Variants in NID1 observed in about 807,000 individuals in gnomAD.
NID1 encodes the protein nidogen 1.
Under a neutral mutation model 130.6 loss-of-function variants are expected in NID1, and 76 were observed. That is an observed-to-expected ratio of 0.58 (90% CI 0.48 to 0.70). The LOEUF (loss-of-function observed/expected upper bound fraction) is 0.70, where lower values mean the gene tolerates loss of function less well. Ranked by LOEUF, NID1 falls within the 30% of genes least tolerant of loss-of-function variation. NID1 has a pLI of 0.00. For missense variants in NID1, 1,517 were observed against 1,664.8 expected, an observed-to-expected ratio of 0.91 and a Z score of 1.54; for synonymous variants, 665 against 675.1, an observed-to-expected ratio of 0.98 and a Z score of 0.23.
At chr1:236,027,138 A>G (rs555565826) in intron 7 of NID1, among the ~76,000 whole-genome samples, 36 of 152,304 alleles carry the variant, frequency 2.4e-4, no homozygotes, top group African/African-American at 7.7e-4. Context: ...GGTTTGGAAA[A>G]ATTACTAAAG....
intron 12 of NID1, among the ~76,000 whole-genome samples, chr1:236,003,701 CT>C (rs2102809911): frequency 6.6e-6 from 1 of 152,264 alleles, no homozygotes; most frequent in South Asian, 2.1e-4. Flanking sequence ...GAAACCCCGT[CT>C]CTACTAAAAA....
chr1:235,989,245 T>G (rs1286286386), intron 14 of NID1, among the ~76,000 whole-genome samples: 1 of 151,996 alleles, frequency 6.6e-6, no homozygotes, highest in East Asian at 1.9e-4. Context: ...TTAGTAGAGA[T>G]GGGGTTTCTC....
chr1:236,002,309 C>A (rs960157105), intron 12 of NID1, among the ~76,000 whole-genome samples: 2 of 152,174 alleles, frequency 1.3e-5, no homozygotes, highest in South Asian at 4.1e-4. Flanking sequence ...TTGAGACCAG[C>A]CTGGCTAACA....
At position 236,065,054 on chromosome 1, in the gene NID1, C is replaced by G. The variant is rs1181747878; in HGVS notation, c.26G>C (p.Arg9Pro). Residue 9 changes from arginine to proline, a missense_variant, in exon 1 of 20, where the codon CGG becomes CCG. Arg to Pro is a moderately radical substitution (Grantham distance 103, BLOSUM62 -2). Transcript: ENST00000264187. This position sits in a 1 kb window ranked among gnomAD's most constrained non-coding sequence, Gnocchi z 4.1. ...CAGCAGCGCCCGCGTCCACGCAGCC[C>G]GGATCCGGCTGCTCGAGGCCAACAT... is the stretch of plus-strand genomic sequence containing the variant. Reference protein sequence around the residue: MLASSSRIRAAWTRALLLP... With the variant: MLASSSRIPAAWTRALLLP... The G allele has an allele frequency of 1.9e-6, 3 of 1,552,688 alleles. No homozygotes were observed. The highest frequency in any genetic ancestry group is 3.4e-4 in the Middle Eastern group (2 of 5,926).
intron 14 of NID1, among the ~76,000 whole-genome samples, chr1:235,990,067 G>A (rs1004033396): frequency 6.6e-6 from 1 of 152,270 alleles, no homozygotes; most frequent in Non-Finnish European, 1.5e-5. Flanking sequence ...TTCTTTGCAA[G>A]AGGCTTTTGA....
intron 3 of NID1, among the ~76,000 whole-genome samples, chr1:236,042,961 G>T (rs1041474291): frequency 5.3e-5 from 8 of 152,186 alleles, no homozygotes; most frequent in African/African-American, 1.7e-4. Flanking sequence ...AATCACCAAG[G>T]ATCAGTGATT....
chr1:236,045,767 C>T (rs1659584097), intron 2 of NID1, 84 bp from the exon 3 acceptor site: 10 of 1,086,388 alleles, frequency 9.2e-6, no homozygotes, highest in South Asian at 5.9e-5. Flanking sequence ...ATCTATAAAG[C>T]GTACAGTGCT....
Position 236,032,453 on chromosome 1 carries a change from T to G in NID1, c.1485A>C (p.Gly495=), listed in dbSNP as rs780134656. The stretch of plus-strand genomic sequence containing the variant: ...CGTCCTGCTCCACTGCAAACATCCA[T>G]CCAATGATGCCTCCAACTGGGGCCA... The part of the protein sequence containing the change: ...LPLAPVGGII[G]WMFAVEQDGF... The change falls in exon 6 of 20, where the codon GGA becomes GGC. Residue 495 remains glycine, a synonymous_variant. Coordinates refer to ENST00000264187, the MANE Select transcript of NID1 (RefSeq NM_002508.3). The G allele has an allele frequency of 6.2e-7, 1 of 1,613,970 alleles. No homozygotes were observed. Among genetic ancestry groups the G allele is most frequent in the Non-Finnish European group, 8.5e-7 (1 of 1,179,994 alleles).
intron 4 of NID1, 29 bp from the exon 5 acceptor site, chr1:236,038,282 T>A: frequency 1.9e-6 from 3 of 1,600,344 alleles, no homozygotes; most frequent in Non-Finnish European, 2.6e-6. Flanking sequence ...TGCACACCTG[T>A]AAGCATTTCA....
rs1033495411 is a variant in NID1, at chr1:236,017,412, T to A, written c.2129-139A>T. 9 of 909,102 alleles carry A rather than the reference T, an allele frequency of 9.9e-6. No individual in the cohort carries two copies. The Admixed American group carries it at 1.5e-4, about 15-fold the overall frequency. 56.3% of individuals were successfully genotyped at this position (909,102 alleles called of 1,614,324 possible). A position where few individuals can be genotyped will look rare whatever the true frequency, so the allele number is the denominator to read the frequency against. On this transcript the variant is annotated intron_variant, in intron 9 of 19. Coordinates refer to ENST00000264187, the MANE Select transcript of NID1 (RefSeq NM_002508.3). Reference sequence around the variant, plus strand: ...TTCTTTTTTTTTTTCCGAGATGGAGTCTTGCTCTGTCGCCCAGAGCTGGAG... The same window carrying A: ...TTCTTTTTTTTTTTCCGAGATGGAGACTTGCTCTGTCGCCCAGAGCTGGAG...
intron 4 of NID1, among the ~76,000 whole-genome samples, chr1:236,039,808 T>A (rs1659393873): frequency 1.3e-5 from 2 of 152,182 alleles, no homozygotes; most frequent in Non-Finnish European, 2.9e-5. Context: ...CCGAGCACAC[T>A]TGAGCCCTGA....
intron 5 of NID1, among the ~76,000 whole-genome samples, chr1:236,034,672 C>A (rs903462072): frequency 6.6e-6 from 1 of 152,044 alleles, no homozygotes; most frequent in Non-Finnish European, 1.5e-5. Flanking sequence ...CTAATGGACA[C>A]GGTGTTTCTT....
chr1:235,985,482 G>A lies in NID1; in HGVS notation c.2952C>T (p.Ala984=). 2 of 1,614,134 alleles carry A rather than the reference G, an allele frequency of 1.2e-6. No homozygotes were observed. The highest frequency in any genetic ancestry group is 2.2e-5 in the East Asian group (1 of 44,880). The change falls in exon 15 of 20, where the codon GCC becomes GCT. Residue 984 remains alanine (A), a synonymous_variant. Coordinates refer to ENST00000264187, the MANE Select transcript of NID1 (RefSeq NM_002508.3). ...AAACCATCTTGTCCACGCAGTCAAA[G>A]GCCAGTCCAATGATGACTTTAGCCT... ...HVPAKVIIGL[A]FDCVDKMVYW...
chr1:236,018,129 T>G (rs1263684303), intron 9 of NID1, among the ~76,000 whole-genome samples: 1 of 152,198 alleles, frequency 6.6e-6, no homozygotes, highest in African/African-American at 2.4e-5. Context: ...AGTGATGTCC[T>G]TTTATATGAC....
In NID1 at chr1:236,024,225, G is replaced by A; in HGVS notation, c.1985-12C>T. 6.2e-7 allele frequency: 1 copy of A among 1,614,002 alleles called. No homozygotes were observed. The highest frequency in any genetic ancestry group is 8.5e-7 in the Non-Finnish European group (1 of 1,179,954). ...ATCAGGGGAGCCTTCTGTGAAGACA[G>A]AGACATTGGAACCAAGTGAGTCTTC... On this transcript the variant is annotated splice_polypyrimidine_tract_variant and intron_variant, in intron 8 of 19. Transcript: ENST00000264187.
intron 9 of NID1, among the ~76,000 whole-genome samples, chr1:236,020,059 C>A (rs10927270): frequency 0.17 from 13,747 of 80,496 alleles, 1,556 homozygotes; most frequent in African/African-American, 0.3. Context: ...AAAAAAAAAA[C>A]AAAAACAAAC....
At chr1:236,025,639 C>T (rs1207475584) in intron 8 of NID1, among the ~76,000 whole-genome samples, 2 of 152,180 alleles carry the variant, frequency 1.3e-5, no homozygotes, top group Non-Finnish European at 2.9e-5. Flanking sequence ...AGAGGGTCCA[C>T]TCTGTAAGGC....
In NID1 at chr1:236,045,451, G is replaced by T; in HGVS notation, c.752+6C>A. ...GAGAATCTACTGAAGAACAAAGAAA[G>T]CATACTTGGCCAAATTTTCAACTGA... On this transcript the variant is annotated splice_donor_region_variant and intron_variant, in intron 3 of 19. Coordinates refer to ENST00000264187, the MANE Select transcript of NID1 (RefSeq NM_002508.3). The T allele has an allele frequency of 6.3e-7, 1 of 1,599,782 alleles. No homozygotes were observed. The highest frequency in any genetic ancestry group is 1.7e-4 in the Middle Eastern group (1 of 6,026).
At chr1:235,989,983 G>A (rs1206310313) in intron 14 of NID1, among the ~76,000 whole-genome samples, 1 of 152,224 alleles carries the variant, frequency 6.6e-6, no homozygotes, top group Admixed American at 6.5e-5. Flanking sequence ...AAAAAGGACT[G>A]GATTTTATTC....
Sources: allele counts gnomAD v4.1 joint callset (sites outside exome capture counted in the v4.1 genomes callset), GRCh38; gene constraint gnomAD v4.1.1; non-coding constraint Gnocchi (gnomAD v3.1); transcripts MANE v1.5; gene names NCBI Gene and HGNC (gene_info 2026-07-23, HGNC 2026-07-21).